EPN3: variants seen among roughly 807,000 people sequenced by gnomAD.
The protein encoded by EPN3 is epsin-3.
In EPN3, 56 loss-of-function variants were observed where a neutral mutation model predicts 55.5. That is an observed-to-expected ratio of 1.01 (90% CI 0.81 to 1.26). EPN3 has a LOEUF of 1.26. Ranked by LOEUF, EPN3 falls within the 50% of genes most tolerant of loss-of-function variation. EPN3 has a pLI of 0.00. For missense variants in EPN3, 927 were observed against 853.4 expected (o/e 1.09, Z -1.07); for synonymous variants, 449 against 375.2 (o/e 1.20, Z -2.27).
intron 2 of EPN3, among the ~76,000 whole-genome samples, chr17:50,537,657 A>T (rs1032424567): frequency 6.6e-6 from 1 of 152,194 alleles, no homozygotes; most frequent in African/African-American, 2.4e-5. Flanking sequence ...AGGAATACTC[A>T]GAATGGCCCG....
At chr17:50,541,417 G>A (rs1439484837) in intron 8 of EPN3, 47 bp from the exon 9 acceptor site, 10 of 1,609,072 alleles carry the variant, frequency 6.2e-6, no homozygotes, top group Non-Finnish European at 8.5e-6. Context: ...CCCACGTCGG[G>A]CGCCAATCCC....
chr17:50,537,971 G>A (rs572110203), intron 2 of EPN3, 108 bp from the exon 3 acceptor site: 95 of 946,020 alleles, frequency 1.0e-4, no homozygotes, highest in South Asian at 7.2e-4. Flanking sequence ...CTCAACGGCC[G>A]TTGTTCCCCT....
chr17:50,537,696 G>A (rs987436757), intron 2 of EPN3, among the ~76,000 whole-genome samples: 3 of 152,194 alleles, frequency 2.0e-5, no homozygotes, highest in African/African-American at 7.2e-5. Context: ...ACAGTTTGCT[G>A]AGGGCTTTGA....
In EPN3 at chr17:50,538,946, C is replaced by T. The variant is rs1314264648; in HGVS notation, c.744C>T (p.Ser248=). 6.2e-7 allele frequency: 1 copy of T among 1,606,892 alleles called. No individual in the cohort carries two copies. Among genetic ancestry groups the T allele is most frequent in the South Asian group, 1.1e-5 (1 of 90,568 alleles). Residue 248 remains serine (S), a synonymous_variant, in exon 4 of 10, where the codon AGC becomes AGT. Transcript: ENST00000268933. ...DLQLQLALRL[S]RQEHEKEVRS... ...AGCTGCAGCTGGCTCTGCGCCTGAGCCGGCAGGAGCACGAGAAGGTAGTGG... is the reference window on the plus strand; with the variant it reads ...AGCTGCAGCTGGCTCTGCGCCTGAGTCGGCAGGAGCACGAGAAGGTAGTGG...
chr17:50,538,245 G>C (rs893797885), intron 3 of EPN3, 48 bp downstream of exon 3: 1 of 1,494,726 alleles, frequency 6.7e-7, no homozygotes, highest in African/African-American at 1.4e-5. Context: ...GGGCTAGGGG[G>C]AGAGAGTGCC....
At position 50,536,967 on chromosome 17, in the gene EPN3, G is replaced by A; in HGVS notation, c.411G>A (p.Glu137=). 3 of 1,613,948 alleles carry A rather than the reference G, an allele frequency of 1.9e-6. No individual in the cohort carries two copies. The highest frequency in any genetic ancestry group is 2.5e-6 in the Non-Finnish European group (3 of 1,180,022). ...VKQVMALLKD[E]ERLRQERTHA... is the part of the protein sequence containing the mutation. ...AGGTGATGGCCCTGCTCAAGGATGA[G>A]GAGCGGCTGCGGCAGGAGCGAACCC... Residue 137 remains glutamate (E), a synonymous_variant, in exon 2 of 10, where the codon GAG becomes GAA. Coordinates refer to ENST00000268933, the MANE Select transcript of EPN3 (RefSeq NM_017957.3).
chr17:50,537,999 G>C, intron 2 of EPN3, 80 bp from the exon 3 acceptor site: 1 of 1,191,812 alleles, frequency 8.4e-7, no homozygotes, highest in Non-Finnish European at 1.2e-6. Flanking sequence ...GTTCTCTTGA[G>C]CCTCAGCTTC....
chr17:50,539,387 C>T (rs955087249), intron 5 of EPN3, 72 bp downstream of exon 5: 5 of 1,597,902 alleles, frequency 3.1e-6, no homozygotes, highest in Non-Finnish European at 4.3e-6. Context: ...AAAGAGAGAG[C>T]AGAGCAGTGC....
rs778160171 is a variant in EPN3, at chr17:50,539,192, G to A, written c.768G>A (p.Val256=). 5 of 1,613,992 alleles carry A rather than the reference G, an allele frequency of 3.1e-6. No individual in the cohort carries two copies. Among genetic ancestry groups the A allele is most frequent in the Non-Finnish European group, 3.4e-6 (4 of 1,179,968 alleles). ...RLSRQEHEKE[V]RSWQGDGSPM... ...TCTTTCTGTGCCTTCTGCAGGAGGT[G>A]AGGTCCTGGCAGGGTGATGGCTCCC... The change falls in exon 5 of 10, where the codon GTG becomes GTA. Residue 256 remains valine (V), a synonymous_variant. Transcript: ENST00000268933.
In EPN3 at chr17:50,536,569, G is replaced by A. The variant is rs202073545; in HGVS notation, c.13G>A (p.Ala5Thr). MTTSALRRQVKNIVH... is the reference protein window; with the variant it reads MTTSTLRRQVKNIVH... ...CAAGTCTCCAGCCATGACGACCTCCGCACTCCGGCGCCAGGTGAAGAACAT... is the reference window on the plus strand; with the variant it reads ...CAAGTCTCCAGCCATGACGACCTCCACACTCCGGCGCCAGGTGAAGAACAT... The change falls in exon 2 of 10, where the codon GCA becomes ACA. Residue 5 changes from alanine to threonine, a missense_variant. Ala to Thr is a moderately conservative substitution (Grantham distance 58, BLOSUM62 0). Transcript: ENST00000268933. The A allele has an allele frequency of 5.6e-6, 9 of 1,613,836 alleles. No individual in the cohort carries two copies. The East Asian group carries it at 6.7e-5, about 12-fold the overall frequency.
rs1268394890 is a variant in EPN3 at position 50,540,336 on chromosome 17, T to A, written c.979+2T>A. The A allele has an allele frequency of 6.2e-7, 1 of 1,609,406 alleles. No homozygotes were observed. The highest frequency in any genetic ancestry group is 2.2e-5 in the East Asian group (1 of 44,830). ...CTGCTGACCCATGGGACATCCCAGGTGGGCATGCAGGGCTGCAAGAGACTT... is the reference window on the plus strand; with the variant it reads ...CTGCTGACCCATGGGACATCCCAGGAGGGCATGCAGGGCTGCAAGAGACTT... On this transcript the variant is annotated splice_donor_variant, in intron 6 of 9. Coordinates refer to ENST00000268933, the MANE Select transcript of EPN3 (RefSeq NM_017957.3). LOFTEE classifies it high-confidence loss of function.
chr17:50,537,809 C>G (rs2034786541), intron 2 of EPN3: 1 of 433,166 alleles, frequency 2.3e-6, no homozygotes, highest in African/African-American at 2.0e-5. Context: ...GTCAGGGCAC[C>G]TGGGTTCAAG....
chr17:50,541,950 G>A lies in EPN3; in HGVS notation c.1692G>A (p.Gly564=). The A allele has an allele frequency of 1.3e-6, 2 of 1,596,006 alleles. No homozygotes were observed. The highest frequency in any genetic ancestry group is 8.5e-7 in the Non-Finnish European group (1 of 1,177,230). Residue 564 remains glycine, a synonymous_variant, in exon 10 of 10, where the codon GGG becomes GGA. Coordinates refer to ENST00000268933, the MANE Select transcript of EPN3 (RefSeq NM_017957.3). ...TGSPALGLAG[G]PVGAPLGSMT... Reference sequence around the variant, plus strand: ...CGCCGGCGCTGGGCCTGGCAGGCGGGCCTGTGGGGGCGCCCCTGGGCTCCA... The same window carrying A: ...CGCCGGCGCTGGGCCTGGCAGGCGGACCTGTGGGGGCGCCCCTGGGCTCCA...
At position 50,538,035 on chromosome 17, in the gene EPN3, C is replaced by T. The variant is rs765287329; in HGVS notation, c.563-44C>T. 16 of 1,495,260 alleles carry T rather than the reference C, an allele frequency of 1.1e-5. No homozygotes were observed. In the Admixed American group the frequency reaches 2.2e-4, roughly 21 times the overall value. The allele number at this position is 1,495,260 out of a possible 1,614,324, so 92.6% of individuals were successfully genotyped here. A position where few individuals can be genotyped will look rare whatever the true frequency, so the allele number is the denominator to read the frequency against. On this transcript the variant is annotated intron_variant, in intron 2 of 9. Coordinates refer to ENST00000268933, the MANE Select transcript of EPN3 (RefSeq NM_017957.3). Reference sequence around the variant, plus strand: ...CTGGCAGGCAGAGGGGTGTGGGAGCCGATGGGTAATCGTGTGGTCACAGAG... The same window carrying T: ...CTGGCAGGCAGAGGGGTGTGGGAGCTGATGGGTAATCGTGTGGTCACAGAG...
intron 6 of EPN3, 105 bp downstream of exon 6, chr17:50,540,439 G>C: frequency 2.8e-6 from 3 of 1,077,106 alleles, no homozygotes; most frequent in South Asian, 3.0e-5. Context: ...GAGTGTCACC[G>C]GGCAAGTCAC....
intron 6 of EPN3, 38 bp downstream of exon 6, chr17:50,540,372 C>T (rs755296769): frequency 6.4e-7 from 1 of 1,565,526 alleles, no homozygotes. Flanking sequence ...CCAGGCTGGC[C>T]CAAGAGCCTC....
chr17:50,541,495 T>C lies in EPN3; in HGVS notation c.1386T>C (p.Ser462=). The part of the protein sequence containing the change: ...ELDLFGDPSP[S]SKQNGTKEPD... ...ACCTGTTTGGAGACCCCAGCCCCAG[T>C]TCCAAGCAAAATGGCACGAAGGAGC... The change falls in exon 9 of 10, where the codon AGT becomes AGC. Residue 462 remains serine, a synonymous_variant. Coordinates refer to ENST00000268933, the MANE Select transcript of EPN3 (RefSeq NM_017957.3). 6 of 1,614,064 alleles carry C rather than the reference T, an allele frequency of 3.7e-6. No individual in the cohort carries two copies. The highest frequency in any genetic ancestry group is 5.1e-6 in the Non-Finnish European group (6 of 1,180,010).
intron 1 of EPN3, among the ~76,000 whole-genome samples, chr17:50,533,965 A>C (rs1423471786): frequency 6.6e-6 from 1 of 151,374 alleles, no homozygotes; most frequent in Non-Finnish European, 1.5e-5. Flanking sequence ...TTTCTGTTAC[A>C]CTCCCTTTTA....
In EPN3 at chr17:50,541,000, A is replaced by G; in HGVS notation, c.1187A>G (p.His396Arg). 6.2e-7 allele frequency: 1 copy of G among 1,605,570 alleles called. No homozygotes were observed. Among genetic ancestry groups the G allele is most frequent in the Non-Finnish European group, 8.5e-7 (1 of 1,175,506 alleles). The part of the protein sequence containing the change: ...TDPWALNSPH[H>R]KLPSTGADPW... ...CCCTGGGCCCTGAACTCTCCCCACC[A>G]CAAACTCCCCAGCACTGGGGCTGAC... Residue 396 changes from histidine (H) to arginine (R), a missense_variant, in exon 7 of 10, where the codon CAC (histidine) becomes CGC (arginine). Coordinates refer to ENST00000268933, the MANE Select transcript of EPN3 (RefSeq NM_017957.3).
Sources: gnomAD v4.1 joint callset for allele counts (sites outside exome capture counted in the v4.1 genomes callset) on GRCh38, gnomAD v4.1.1 for gene constraint, MANE v1.5 for transcripts, NCBI Gene and HGNC (gene_info 2026-07-23, HGNC 2026-07-21) for gene names.